Variants in CATSPERE observed in about 807,000 individuals in gnomAD.
CATSPERE encodes catsper channel auxiliary subunit epsilon.
Under a neutral mutation model 114.1 loss-of-function variants are expected in CATSPERE, and 93 were observed. The ratio of observed to expected loss-of-function variants is 0.81; its 90% CI spans 0.69 to 0.97. The LOEUF is 0.97. Ranked by LOEUF, CATSPERE falls within the 50% of genes least tolerant of loss-of-function variation. CATSPERE has a pLI of 0.00. For synonymous variants in CATSPERE, 341 were observed against 384.1 expected (o/e 0.89, Z 1.31); for missense variants, 1,058 against 1,131.6 (o/e 0.93, Z 0.93).
chr1:244,506,272 C>T (rs548514282), intron 7 of CATSPERE, among the ~76,000 whole-genome samples: 1 of 152,270 alleles, frequency 6.6e-6, no homozygotes, highest in African/African-American at 2.4e-5. Flanking sequence ...AAATATACCA[C>T]ATTCTGTGTG....
At chr1:244,452,186 C>T (rs924190694), upstream of CATSPERE, 2 of 170,656 alleles carry the variant, frequency 1.2e-5, no homozygotes, top group African/African-American at 4.7e-5. Context: ...GAGCGCTTCT[C>T]CTTCAGCACC....
intron 10 of CATSPERE, among the ~76,000 whole-genome samples, chr1:244,571,699 A>G (rs1241601210): frequency 6.6e-6 from 1 of 152,182 alleles, no homozygotes; most frequent in Non-Finnish European, 1.5e-5. Context: ...AGATTTTCTC[A>G]TATTTCTAGA....
At chr1:244,628,888 T>C (rs917864383) in intron 20 of CATSPERE, among the ~76,000 whole-genome samples, 2 of 152,180 alleles carry the variant, frequency 1.3e-5, no homozygotes, top group African/African-American at 4.8e-5. Flanking sequence ...CACGTGCTTA[T>C]TTGTGCATTT....
intron 20 of CATSPERE, among the ~76,000 whole-genome samples, chr1:244,628,226 GTCTGGTACTA>G (rs140603607): frequency 7.5e-4 from 114 of 152,258 alleles, no homozygotes; most frequent in Non-Finnish European, 1.4e-3. Context: ...TATATGTAGG[GTCTGGTACTA>G]TCCATGGTTT....
At chr1:244,489,873 C>T (rs191580933) in intron 5 of CATSPERE, among the ~76,000 whole-genome samples, 58 of 152,168 alleles carry the variant, frequency 3.8e-4, no homozygotes, top group African/African-American at 1.3e-3. Flanking sequence ...GGAGGGATTA[C>T]TTTTTAAAGC....
chr1:244,615,874 G>A (rs1319125491), intron 19 of CATSPERE, among the ~76,000 whole-genome samples: 1 of 150,802 alleles, frequency 6.6e-6, no homozygotes, highest in Non-Finnish European at 1.5e-5. Flanking sequence ...AGCACTTTGG[G>A]AGGCTGAGGA....
chr1:244,481,782 G>A (rs983499089), intron 5 of CATSPERE, among the ~76,000 whole-genome samples: 7 of 152,110 alleles, frequency 4.6e-5, no homozygotes, highest in East Asian at 1.9e-4. Context: ...TTTCCCTTCC[G>A]CCATGCGAGG....
Position 244,640,196 on chromosome 1 carries a change from G to GA in CATSPERE, c.*115_*116insA. The GA allele has an allele frequency of 2.4e-6, 1 of 418,638 alleles. No homozygotes were observed. The highest frequency in any genetic ancestry group is 3.9e-6 in the Non-Finnish European group (1 of 257,498). The allele number at this position is 418,638 out of a possible 1,614,324, so 25.9% of individuals were successfully genotyped here. Reference sequence around the variant, plus strand: ...AATACTAAATATAAGCTCGTAGTAGGCATCACCAAATTCAAGATCTGAAAA... The same window carrying GA: ...AATACTAAATATAAGCTCGTAGTAGGACATCACCAAATTCAAGATCTGAAAA... On this transcript the variant is annotated 3_prime_UTR_variant, in exon 22 of 22. Coordinates refer to ENST00000366534, the MANE Select transcript of CATSPERE (RefSeq NM_001130957.2).
chr1:244,622,176 T>C (rs973351734), intron 20 of CATSPERE, among the ~76,000 whole-genome samples: 2 of 152,158 alleles, frequency 1.3e-5, no homozygotes, highest in Non-Finnish European at 1.5e-5. Flanking sequence ...TAAGGTTTTA[T>C]GTAATAAAAG....
In CATSPERE at chr1:244,545,443, G is replaced by T. The variant is rs566699393; in HGVS notation, c.537-6879G>T. 3.3e-5 allele frequency among the ~76,000 whole-genome samples: 5 copies of T among 152,298 alleles called. No homozygotes were observed. In the South Asian group the frequency reaches 1.0e-3, roughly 32 times the overall value. On this transcript the variant is annotated intron_variant, in intron 8 of 21. Coordinates refer to ENST00000366534, the MANE Select transcript of CATSPERE (RefSeq NM_001130957.2). Reference sequence around the variant, plus strand: ...GAAGGCTCTAGAATAAGTCTAGGCTGCTGTGCAGACTGCTCTGCCACTTGG... The same window carrying T: ...GAAGGCTCTAGAATAAGTCTAGGCTTCTGTGCAGACTGCTCTGCCACTTGG...
At chr1:244,553,612 C>CACACACACATATATACAT (rs1558484685) in intron 9 of CATSPERE, among the ~76,000 whole-genome samples, 30 of 127,180 alleles carry the variant, frequency 2.4e-4, no homozygotes, top group African/African-American at 9.4e-4. Flanking sequence ...TACACACACA[C>CACACACACATATATACAT]ACACACACAC....
chr1:244,606,865 G>T (rs1414972963), intron 18 of CATSPERE, among the ~76,000 whole-genome samples: 1 of 152,154 alleles, frequency 6.6e-6, no homozygotes, highest in Non-Finnish European at 1.5e-5. Context: ...GCCTCGCAAA[G>T]TACTGGGGTT....
intron 5 of CATSPERE, among the ~76,000 whole-genome samples, chr1:244,482,445 G>T (rs78397673): frequency 4.1e-4 from 62 of 151,496 alleles, no homozygotes; most frequent in Non-Finnish European, 6.8e-4. Flanking sequence ...TACAAAAAAC[G>T]TTAAAAAGTT....
rs1662433052 is a variant in CATSPERE, at chr1:244,560,774, A to C, written c.1136A>C (p.Asn379Thr). Residue 379 changes from asparagine (N) to threonine (T), a missense_variant, in exon 10 of 22, where the codon AAC becomes ACC. Around this residue, in one of 2 missense-constraint regions of CATSPERE, gnomAD observed 787 missense variants for 905.6 expected, o/e 0.87. Coordinates refer to ENST00000366534, the MANE Select transcript of CATSPERE (RefSeq NM_001130957.2). Reference protein sequence around the residue: ...ARLVTTTELKNILSLSVTATL... With the variant: ...ARLVTTTELKTILSLSVTATL... The stretch of plus-strand genomic sequence containing the variant: ...TTAGTAACTACCACAGAACTGAAAA[A>C]CATCCTAAGTCTATCGGTGACTGCT... The C allele has an allele frequency of 6.2e-7, 1 of 1,613,982 alleles. No homozygotes were observed. The highest frequency in any genetic ancestry group is 2.2e-5 in the East Asian group (1 of 44,858).
chr1:244,601,809 C>T (rs1328017694), intron 17 of CATSPERE, among the ~76,000 whole-genome samples: 2 of 152,012 alleles, frequency 1.3e-5, no homozygotes, highest in Non-Finnish European at 2.9e-5. Flanking sequence ...AGAAATTAGC[C>T]GGGCGTGGGT....
intron 8 of CATSPERE, among the ~76,000 whole-genome samples, chr1:244,528,223 G>C (rs1394500998): frequency 6.6e-6 from 1 of 152,152 alleles, no homozygotes; most frequent in Non-Finnish European, 1.5e-5. Flanking sequence ...GCAGTGTTTG[G>C]CTTTCTGTTC....
chr1:244,482,108 A>T (rs181449063), intron 5 of CATSPERE, among the ~76,000 whole-genome samples: 6 of 152,318 alleles, frequency 3.9e-5, no homozygotes, highest in Non-Finnish European at 5.9e-5. Context: ...GTAGGGGCTA[A>T]GAGTTTTTCT....
intron 8 of CATSPERE, among the ~76,000 whole-genome samples, chr1:244,538,573 A>G (rs573256399): frequency 6.6e-6 from 1 of 152,340 alleles, no homozygotes; most frequent in South Asian, 2.1e-4. Context: ...AGTGAGGCTG[A>G]AACACCCCAT....
intron 20 of CATSPERE, among the ~76,000 whole-genome samples, chr1:244,623,763 T>TAA (rs1672706673): frequency 6.6e-6 from 1 of 152,240 alleles, no homozygotes; most frequent in Non-Finnish European, 1.5e-5. Context: ...CTGTAGTCTA[T>TAA]TAAGTGTGCA....
Sources: allele counts gnomAD v4.1 joint callset (sites outside exome capture counted in the v4.1 genomes callset), GRCh38; gene constraint gnomAD v4.1.1; regional missense constraint gnomAD v4.1.1; transcripts MANE v1.5; gene names NCBI Gene and HGNC (gene_info 2026-07-23, HGNC 2026-07-21).